The following C1orf87 variants were observed in gnomAD, a reference collection of about 807,000 sequenced individuals.
C1orf87 encodes the protein chromosome 1 open reading frame 87.
A neutral mutation model predicts 60.5 loss-of-function variants in C1orf87; 58 were observed. That is an observed-to-expected ratio of 0.96 (90% CI 0.78 to 1.19). The LOEUF (loss-of-function observed/expected upper bound fraction) is 1.19, where lower values mean the gene tolerates loss of function less well. Among genes scored for constraint, C1orf87 ranks in the 50% most tolerant of loss-of-function variants. The pLI is 0.00. For synonymous variants in C1orf87, 236 were observed against 227.4 expected (o/e 1.04, Z -0.34); for missense variants, 673 against 638.6 (o/e 1.05, Z -0.58).
intron 9 of C1orf87, among the ~76,000 whole-genome samples, chr1:60,007,951 G>A (rs1645057649): frequency 6.6e-6 from 1 of 151,926 alleles, no homozygotes; most frequent in Non-Finnish European, 1.5e-5. Context: ...TCTTTTTTAA[G>A]TTTCTGTATA....
rs1269223927 is a variant in C1orf87 at position 60,014,451 on chromosome 1, C to T, written c.1128-3995G>A. 2.6e-5 allele frequency among the ~76,000 whole-genome samples: 4 copies of T among 152,012 alleles called. No homozygotes were observed. In the East Asian group the frequency reaches 5.8e-4, roughly 22 times the overall value. On this transcript the variant is annotated intron_variant, in intron 8 of 11. Coordinates refer to ENST00000371201, the MANE Select transcript of C1orf87 (RefSeq NM_152377.3). Reference sequence around the variant, plus strand: ...CCTGTTAGTCAGTTTTTGCTACTCACGTGTTGTTTGTTTCTTTCCTTCTTC... The same window carrying T: ...CCTGTTAGTCAGTTTTTGCTACTCATGTGTTGTTTGTTTCTTTCCTTCTTC...
At chr1:60,068,154 G>C (rs1340248822) in intron 2 of C1orf87, among the ~76,000 whole-genome samples, 3 of 152,100 alleles carry the variant, frequency 2.0e-5, no homozygotes, top group African/African-American at 7.2e-5. Flanking sequence ...AGAATGAAGT[G>C]TGCAGTACTC....
Position 60,038,071 on chromosome 1 carries a change from C to T in C1orf87, c.784G>A (p.Ala262Thr). Residue 262 changes from alanine to threonine, a missense_variant, in exon 6 of 12, where the codon GCA becomes ACA. Coordinates refer to ENST00000371201, the MANE Select transcript of C1orf87 (RefSeq NM_152377.3). ...YEKLLWFLNSAASDYPQQNKA... is the reference protein window; with the variant it reads ...YEKLLWFLNSTASDYPQQNKA... ...TTTTGCTGTGGATAATCTGATGCTG[C>T]ACTGTTTAAAAACCAGAGTAGCTTT... 1.3e-6 allele frequency: 2 copies of T among 1,595,724 alleles called. No homozygotes were observed. Among genetic ancestry groups the T allele is most frequent in the South Asian group, 1.1e-5 (1 of 89,086 alleles).
chr1:60,032,003 CAT>C (rs1161053677), intron 7 of C1orf87, among the ~76,000 whole-genome samples: 83 of 146,460 alleles, frequency 5.7e-4, no homozygotes, highest in South Asian at 2.2e-3. Flanking sequence ...CACACACACA[CAT>C]ACACACACAC....
At chr1:60,012,193 A>G (rs1472397641) in intron 8 of C1orf87, among the ~76,000 whole-genome samples, 1 of 151,818 alleles carries the variant, frequency 6.6e-6, no homozygotes, top group Non-Finnish European at 1.5e-5. Flanking sequence ...AAAAAACACA[A>G]AACAACAACA....
At chr1:60,061,112 T>A (rs1645493635) in intron 2 of C1orf87, among the ~76,000 whole-genome samples, 1 of 152,158 alleles carries the variant, frequency 6.6e-6, no homozygotes, top group Non-Finnish European at 1.5e-5. Context: ...TGCATCCACA[T>A]GGTCTATGGG....
At chr1:60,052,014 T>G (rs562420497) in intron 3 of C1orf87, among the ~76,000 whole-genome samples, 20 of 152,212 alleles carry the variant, frequency 1.3e-4, no homozygotes, top group Non-Finnish European at 2.5e-4. Context: ...CACAGCCAAG[T>G]AGAAATGTCC....
intron 11 of C1orf87, among the ~76,000 whole-genome samples, chr1:59,991,546 A>AT (rs1416245032): frequency 6.6e-6 from 1 of 152,050 alleles, no homozygotes; most frequent in African/African-American, 2.4e-5. Flanking sequence ...TTTTATTTCT[A>AT]TTTTTTAAAA....
intron 9 of C1orf87, 88 bp downstream of exon 9, chr1:60,010,304 A>G (rs1645074335): frequency 8.3e-7 from 1 of 1,210,792 alleles, no homozygotes; most frequent in Non-Finnish European, 1.2e-6. Flanking sequence ...GAAACCCAAC[A>G]AGCAAACCAC....
chr1:60,024,660 C>G (rs1364126913), intron 8 of C1orf87, among the ~76,000 whole-genome samples: 1 of 152,154 alleles, frequency 6.6e-6, no homozygotes, highest in Non-Finnish European at 1.5e-5. Context: ...GAACTCGAAA[C>G]TCTGTCCCTT....
At chr1:60,000,774 C>T (rs1227793600) in intron 10 of C1orf87, among the ~76,000 whole-genome samples, 4 of 151,988 alleles carry the variant, frequency 2.6e-5, no homozygotes, top group African/African-American at 9.7e-5. Context: ...GAATCGGTCA[C>T]AAGCTTTGGA....
chr1:59,992,285 T>C (rs1336802810), intron 11 of C1orf87, among the ~76,000 whole-genome samples: 1 of 151,944 alleles, frequency 6.6e-6, no homozygotes, highest in Admixed American at 6.6e-5. Flanking sequence ...AGACAGGGTC[T>C]TACTCTGTTG....
At chr1:60,033,836 A>C (rs1198100942) in intron 6 of C1orf87, among the ~76,000 whole-genome samples, 195 bp from the exon 7 acceptor site, 9 of 152,198 alleles carry the variant, frequency 5.9e-5, no homozygotes, top group Admixed American at 1.3e-4. Flanking sequence ...TACCTGCTCC[A>C]TCTGAGTGAA....
intron 6 of C1orf87, among the ~76,000 whole-genome samples, chr1:60,037,028 T>C (rs1183009821): frequency 6.6e-6 from 1 of 152,224 alleles, no homozygotes; most frequent in African/African-American, 2.4e-5. Context: ...ACATGCTTGA[T>C]GTTAAAAAAC....
intron 6 of C1orf87, among the ~76,000 whole-genome samples, chr1:60,035,819 T>A (rs940383059): frequency 6.6e-6 from 1 of 152,118 alleles, no homozygotes; most frequent in Non-Finnish European, 1.5e-5. Flanking sequence ...AGACACAGAG[T>A]TGGCCAGGAC....
chr1:60,045,052 G>A (rs183493908), intron 3 of C1orf87, among the ~76,000 whole-genome samples: 7 of 152,322 alleles, frequency 4.6e-5, no homozygotes, highest in Non-Finnish European at 1.0e-4. Context: ...TTGAGTGTGT[G>A]TAGAGTCATC....
intron 6 of C1orf87, among the ~76,000 whole-genome samples, chr1:60,034,097 A>T (rs1645258321): frequency 6.6e-6 from 1 of 152,194 alleles, no homozygotes; most frequent in South Asian, 2.1e-4. Context: ...ATACCAAGAC[A>T]GCCTAGTTCC....
intron 9 of C1orf87, among the ~76,000 whole-genome samples, chr1:60,002,147 C>A (rs917368561): frequency 3.5e-4 from 53 of 152,196 alleles, no homozygotes; most frequent in African/African-American, 1.1e-3. Context: ...TTGAGTCTCA[C>A]TATTTTTAAT....
At chr1:60,032,327 A>G (rs1645244132) in intron 7 of C1orf87, among the ~76,000 whole-genome samples, 1 of 152,008 alleles carries the variant, frequency 6.6e-6, no homozygotes, top group Non-Finnish European at 1.5e-5. Context: ...ATGAAGTGCC[A>G]ATTCTGCCTC....
Sources: allele counts gnomAD v4.1 joint callset (sites outside exome capture counted in the v4.1 genomes callset), GRCh38; gene constraint gnomAD v4.1.1; transcripts MANE v1.5; gene names NCBI Gene and HGNC (gene_info 2026-07-23, HGNC 2026-07-21).